ZNF282: variants seen among roughly 807,000 people sequenced by gnomAD.
ZNF282 encodes HTLV-I U5 repressive element-binding protein 1.
In ZNF282, 30 loss-of-function variants were observed where a neutral mutation model predicts 61.9. The ratio of observed to expected loss-of-function variants is 0.48; its 90% CI spans 0.36 to 0.66. ZNF282 has a LOEUF of 0.66. ZNF282 is among the 30% of genes least tolerant of loss of function. The probability of loss-of-function intolerance (pLI) is 0.00; values close to 1 mark genes in which losing one functional copy is unlikely to be tolerated. For missense variants in ZNF282, 788 were observed against 941.4 expected, an observed-to-expected ratio of 0.84 and a Z score of 2.13; for synonymous variants, 396 against 405.0, an observed-to-expected ratio of 0.98 and a Z score of 0.27.
At position 149,206,531 on chromosome 7, in the gene ZNF282, G is replaced by A. The variant is rs1044694373; in HGVS notation, c.586-165G>A. ...TGTTATTGAAAGCATGAGAAGGTCCGGGACAGAGAGGACTGACTCCACTGA... is the reference window on the plus strand; with the variant it reads ...TGTTATTGAAAGCATGAGAAGGTCCAGGACAGAGAGGACTGACTCCACTGA... On this transcript the variant is annotated intron_variant, in intron 2 of 7. Coordinates refer to ENST00000610704, the MANE Select transcript of ZNF282 (RefSeq NM_003575.4). 57 of 965,322 alleles carry A rather than the reference G, an allele frequency of 5.9e-5. No individual in the cohort carries two copies. In the African/African-American group the frequency reaches 5.9e-4, roughly 10 times the overall value. The allele number at this position is 965,322 out of a possible 1,614,324, so 59.8% of individuals were successfully genotyped here. A position where few individuals can be genotyped will look rare whatever the true frequency, so the allele number is the denominator to read the frequency against.
chr7:149,222,194 G>A (rs1796266299), intron 7 of ZNF282, among the ~76,000 whole-genome samples: 1 of 152,190 alleles, frequency 6.6e-6, no homozygotes, highest in African/African-American at 2.4e-5. Context: ...TGGAGGAAAG[G>A]GGGCAAGAAC....
At chr7:149,199,464 C>G (rs73477954) in intron 2 of ZNF282, among the ~76,000 whole-genome samples, 41 of 152,172 alleles carry the variant, frequency 2.7e-4, no homozygotes, top group Middle Eastern at 3.4e-3. Context: ...AGCTCTCCCC[C>G]CTCTGCTGGG....
At chr7:149,209,399 G>A (rs1017882948) in intron 4 of ZNF282, among the ~76,000 whole-genome samples, 4 of 151,620 alleles carry the variant, frequency 2.6e-5, no homozygotes, top group Admixed American at 6.6e-5. Flanking sequence ...ACCACTAATC[G>A]ACTGTCCATA....
intron 4 of ZNF282, among the ~76,000 whole-genome samples, chr7:149,207,874 G>A (rs1796022985): frequency 6.6e-6 from 1 of 152,204 alleles, no homozygotes; most frequent in African/African-American, 2.4e-5. Flanking sequence ...AATGTACAGC[G>A]TCATCACCTC....
At position 149,213,786 on chromosome 7, in the gene ZNF282, C is replaced by A; in HGVS notation, c.1152C>A (p.Asp384Glu). Reference protein sequence around the residue: ...PYPWGPRDSMDGELGLDSGPS... With the variant: ...PYPWGPRDSMEGELGLDSGPS... ...CATGGGGACCACGCGACTCAATGGACGGAGAGCTTGGATTAGACTCTGGCC... is the reference window on the plus strand; with the variant it reads ...CATGGGGACCACGCGACTCAATGGAAGGAGAGCTTGGATTAGACTCTGGCC... Residue 384 changes from aspartate (D) to glutamate (E), a missense_variant, in exon 7 of 8, where the codon GAC becomes GAA. Asp to Glu is a conservative substitution (Grantham distance 45, BLOSUM62 2). Transcript: ENST00000610704. The A allele has an allele frequency of 6.2e-7, 1 of 1,613,866 alleles. No individual in the cohort carries two copies. The highest frequency in any genetic ancestry group is 8.5e-7 in the Non-Finnish European group (1 of 1,179,892).
intron 1 of ZNF282, 111 bp downstream of exon 1, chr7:149,195,865 C>T: frequency 9.7e-7 from 1 of 1,027,030 alleles, no homozygotes; most frequent in Non-Finnish European, 1.2e-6. Context: ...GCCCTCCCAG[C>T]TTCCGCGCCC....
At chr7:149,218,196 G>C (rs1457029259) in intron 7 of ZNF282, among the ~76,000 whole-genome samples, 2 of 152,118 alleles carry the variant, frequency 1.3e-5, no homozygotes, top group East Asian at 3.9e-4. Context: ...TTCAGGAGTG[G>C]ATTGGCGGGG....
chr7:149,224,784 TG>T lies in ZNF282; in HGVS notation c.*141del. 7.3e-7 allele frequency: 1 copy of T among 1,373,228 alleles called. No individual in the cohort carries two copies. Among genetic ancestry groups the T allele is most frequent in the Non-Finnish European group, 9.6e-7 (1 of 1,043,864 alleles). 85.1% of individuals were successfully genotyped at this position (1,373,228 alleles called of 1,614,324 possible). On this transcript the variant is annotated 3_prime_UTR_variant, in exon 8 of 8. Transcript: ENST00000610704. ...CACTCCGGTTGGGGGTCCCCCAGGG[TG>T]GGGCAGGGATCCCCCAGATCTGTCT...
In ZNF282 at chr7:149,206,796, A is replaced by G; in HGVS notation, c.686A>G (p.Glu229Gly). The change falls in exon 3 of 8, where the codon GAG (glutamate) becomes GGG (glycine). Residue 229 changes from glutamate (E) to glycine (G), a missense_variant. Physicochemically the swap from Glu to Gly is moderately conservative, Grantham distance 98 (BLOSUM62 -2). This residue lies in a region of ZNF282 where 559 missense variants were observed against 642.0 expected (regional missense o/e 0.87). Coordinates refer to ENST00000610704, the MANE Select transcript of ZNF282 (RefSeq NM_003575.4). ...QKELYNNLVK[E>G]NYKTLMSLDA... is the part of the protein sequence containing the mutation. ...GAGCTTTATAACAACCTTGTTAAGGAGAACTACAAAACCCTCATGTCCCTG... is the reference window on the plus strand; with the variant it reads ...GAGCTTTATAACAACCTTGTTAAGGGGAACTACAAAACCCTCATGTCCCTG... 2 of 1,614,206 alleles carry G rather than the reference A, an allele frequency of 1.2e-6. No homozygotes were observed. Among genetic ancestry groups the G allele is most frequent in the Non-Finnish European group, 1.7e-6 (2 of 1,180,036 alleles).
At chr7:149,196,310 C>T (rs891471996) in intron 1 of ZNF282, among the ~76,000 whole-genome samples, 3 of 152,196 alleles carry the variant, frequency 2.0e-5, no homozygotes, top group African/African-American at 7.2e-5. Context: ...GGGGTCTTTC[C>T]TGCGGTTGAC....
chr7:149,210,787 G>A lies in ZNF282; in HGVS notation c.952+83G>A. 5 of 1,451,870 alleles carry A rather than the reference G, an allele frequency of 3.4e-6. No homozygotes were observed. In the South Asian group the frequency reaches 5.9e-5, roughly 17 times the overall value. The allele number at this position is 1,451,870 out of a possible 1,614,324, so 89.9% of individuals were successfully genotyped here. Reference sequence around the variant, plus strand: ...CATGGTCTGCCAGCCCCCAGAGTTAGCTGTCACATGTGCCAGGCCAGAGGG... The same window carrying A: ...CATGGTCTGCCAGCCCCCAGAGTTAACTGTCACATGTGCCAGGCCAGAGGG... On this transcript the variant is annotated intron_variant, in intron 5 of 7. Coordinates refer to ENST00000610704, the MANE Select transcript of ZNF282 (RefSeq NM_003575.4).
At chr7:149,219,530 A>G (rs1446688731) in intron 7 of ZNF282, among the ~76,000 whole-genome samples, 1 of 152,112 alleles carries the variant, frequency 6.6e-6, no homozygotes, top group Non-Finnish European at 1.5e-5. Context: ...CAGGTTGGAT[A>G]TTGTTGGTGA....
rs570153838 is a variant in ZNF282 at position 149,215,994 on chromosome 7, A to C, written c.1180+2180A>C. Among the ~76,000 whole-genome samples, 3 of 152,364 alleles carry C rather than the reference A, an allele frequency of 2.0e-5. No individual in the cohort carries two copies. The South Asian group carries it at 6.2e-4, about 32-fold the overall frequency. ...TGGGGACTTGTGCTGTGTGGAAAGC[A>C]GTCTAGGAAGGCCCATAGAGAACTT... On this transcript the variant is annotated intron_variant, in intron 7 of 7. Coordinates refer to ENST00000610704, the MANE Select transcript of ZNF282 (RefSeq NM_003575.4).
chr7:149,208,800 G>T (rs1203763302), intron 4 of ZNF282, among the ~76,000 whole-genome samples: 3 of 142,922 alleles, frequency 2.1e-5, no homozygotes, highest in African/African-American at 7.8e-5. Flanking sequence ...GGGCGGATTA[G>T]CTGAGGTCAG....
intron 2 of ZNF282, among the ~76,000 whole-genome samples, chr7:149,199,527 A>T (rs1795876636): frequency 6.6e-6 from 1 of 151,382 alleles, no homozygotes; most frequent in East Asian, 1.9e-4. Flanking sequence ...TTTAACAGAA[A>T]ACCTCCCTGG....
Position 149,212,529 on chromosome 7 carries a change from T to C in ZNF282, c.1066+58T>C, listed in dbSNP as rs1796104365. 20 of 1,294,004 alleles carry C rather than the reference T, an allele frequency of 1.5e-5. No homozygotes were observed. In the South Asian group the frequency reaches 2.7e-4, roughly 17 times the overall value. 80.2% of individuals were successfully genotyped at this position (1,294,004 alleles called of 1,614,324 possible). On this transcript the variant is annotated intron_variant, in intron 6 of 7. Coordinates refer to ENST00000610704, the MANE Select transcript of ZNF282 (RefSeq NM_003575.4). Reference sequence around the variant, plus strand: ...AACAAGTGTTTTTCAAAAGGAATCATTAAATTAATAATTTATTGTGTTTAT... The same window carrying C: ...AACAAGTGTTTTTCAAAAGGAATCACTAAATTAATAATTTATTGTGTTTAT...
Position 149,224,007 on chromosome 7 carries a change from G to T in ZNF282, c.1376G>T (p.Arg459Leu). Residue 459 changes from arginine to leucine, a missense_variant, in exon 8 of 8, where the codon CGT becomes CTT. Arg to Leu is a moderately radical substitution (Grantham distance 102, BLOSUM62 -2). Coordinates refer to ENST00000610704, the MANE Select transcript of ZNF282 (RefSeq NM_003575.4). ...GGTTTCCAGGTGCTGCCCGGGGAGCGTGGCTCCGGCGAGGCGCCGCCGGGT... is the reference window on the plus strand; with the variant it reads ...GGTTTCCAGGTGCTGCCCGGGGAGCTTGGCTCCGGCGAGGCGCCGCCGGGT... ...DDGFQVLPGE[R>L]GSGEAPPGGD... 8.1e-7 allele frequency: 1 copy of T among 1,233,730 alleles called. No individual in the cohort carries two copies. The highest frequency in any genetic ancestry group is 3.3e-5 in the South Asian group (1 of 30,356). The allele number at this position is 1,233,730 out of a possible 1,614,324, so 76.4% of individuals were successfully genotyped here.
chr7:149,212,608 T>G, intron 6 of ZNF282, 137 bp downstream of exon 6: 1 of 681,702 alleles, frequency 1.5e-6, no homozygotes, highest in Non-Finnish European at 2.4e-6. Context: ...TGAGACGGAG[T>G]CTTGCTCTGT....
intron 7 of ZNF282, among the ~76,000 whole-genome samples, chr7:149,221,884 G>C (rs1796259718): frequency 6.6e-6 from 1 of 152,138 alleles, no homozygotes; most frequent in African/African-American, 2.4e-5. Context: ...GGGAGCAGTT[G>C]GGTCCTAGGC....
Sources: allele counts gnomAD v4.1 joint callset (sites outside exome capture counted in the v4.1 genomes callset), GRCh38; gene constraint gnomAD v4.1.1; regional missense constraint gnomAD v4.1.1; transcripts MANE v1.5; gene names NCBI Gene and HGNC (gene_info 2026-07-23, HGNC 2026-07-21).